CCNB1IP1: variants seen among roughly 807,000 people sequenced by gnomAD.
The protein encoded by CCNB1IP1 is cyclin B1 interacting protein 1.
CCNB1IP1 carries 14 observed loss-of-function variants against 25.6 expected under a neutral mutation model. The observed-to-expected ratio is 0.55, with a 90% CI of 0.36 to 0.85. CCNB1IP1 has a LOEUF of 0.85. Ranked by LOEUF, CCNB1IP1 falls within the 40% of genes least tolerant of loss-of-function variation. The pLI is 0.01. For synonymous variants in CCNB1IP1, 119 were observed against 116.1 expected (o/e 1.02, Z -0.16); for missense variants, 278 against 342.4 (o/e 0.81, Z 1.48).
chr14:20,327,497 C>T (rs1278269263), intron 2 of CCNB1IP1, among the ~76,000 whole-genome samples: 5 of 150,576 alleles, frequency 3.3e-5, no homozygotes, highest in Non-Finnish European at 5.9e-5. Context: ...GCTTTAATTT[C>T]CTCTTCCAGC....
chr14:20,327,240 T>G (rs1435553993), intron 2 of CCNB1IP1, among the ~76,000 whole-genome samples: 1 of 152,080 alleles, frequency 6.6e-6, no homozygotes, highest in African/African-American at 2.4e-5. Flanking sequence ...AAGAAAACAG[T>G]TATGCAAGAG....
chr14:20,328,704 G>A (rs1594284717), intron 2 of CCNB1IP1, among the ~76,000 whole-genome samples: 1 of 152,248 alleles, frequency 6.6e-6, no homozygotes, highest in African/African-American at 2.4e-5. Context: ...CAGATTGCAA[G>A]AGGCCTGGTC....
At position 20,311,512 on chromosome 14, in the gene CCNB1IP1, A is replaced by G. The variant is rs1280453537; in HGVS notation, c.*38T>C. The G allele has an allele frequency of 6.4e-7, 1 of 1,567,602 alleles. No individual in the cohort carries two copies. The highest frequency in any genetic ancestry group is 8.8e-7 in the Non-Finnish European group (1 of 1,139,762). On this transcript the variant is annotated 3_prime_UTR_variant, in exon 7 of 7. Transcript: ENST00000358932. ...TGATCCTCCCAGCCTCAACCTCCTA[A>G]GTAGCTGGGATCACAGGTGCGTGAC...
rs780719298 is a variant in CCNB1IP1 at position 20,316,548 on chromosome 14, G to C, written c.-25C>G. 1 of 1,582,564 alleles carries C rather than the reference G, an allele frequency of 6.3e-7. No homozygotes were observed. Among genetic ancestry groups the C allele is most frequent in the African/African-American group, 1.3e-5 (1 of 74,528 alleles). ...TAATAGGATAGTGAGGTCTCCAGAA[G>C]CTGAAGAGAGGCCTAAGAAGGGGTA... On this transcript the variant is annotated 5_prime_UTR_variant, in exon 5 of 7. Transcript: ENST00000358932.
At chr14:20,330,242 A>T (rs1883194910) in intron 1 of CCNB1IP1, among the ~76,000 whole-genome samples, 1 of 152,116 alleles carries the variant, frequency 6.6e-6, no homozygotes, top group African/African-American at 2.4e-5. Context: ...GTGGGAGCTA[A>T]ATCTTGCGTT....
intron 2 of CCNB1IP1, among the ~76,000 whole-genome samples, chr14:20,327,530 C>G (rs1396941167): frequency 1.3e-5 from 2 of 149,636 alleles, no homozygotes; most frequent in Non-Finnish European, 3.0e-5. Context: ...TCTGAACTTT[C>G]AGGTCAAATA....
intron 1 of CCNB1IP1, among the ~76,000 whole-genome samples, chr14:20,332,026 A>ATATTTTTTTTT (rs59034398): frequency 7.4e-5 from 3 of 40,744 alleles, no homozygotes; most frequent in African/African-American, 1.7e-4. Context: ...ATATATATAT[A>ATATTTTTTTTT]TTTTTTTTTT....
At chr14:20,330,975 T>C (rs934200755) in intron 1 of CCNB1IP1, 2 of 152,182 alleles carry the variant, frequency 1.3e-5, no homozygotes, top group Non-Finnish European at 2.9e-5. Context: ...TGAAGTCTTA[T>C]TAACAAAAGC....
chr14:20,318,813 A>G (rs1468923348), intron 4 of CCNB1IP1, among the ~76,000 whole-genome samples: 1 of 152,126 alleles, frequency 6.6e-6, no homozygotes, highest in East Asian at 1.9e-4. Context: ...CCCAGGCTGG[A>G]GTGCTGTGAC....
At chr14:20,320,447 T>C in intron 4 of CCNB1IP1, 2 of 374,952 alleles carry the variant, frequency 5.3e-6, no homozygotes, top group East Asian at 1.7e-4. Flanking sequence ...ATTAGAAATG[T>C]ATTTCATTTG....
At position 20,313,534 on chromosome 14, in the gene CCNB1IP1, C is replaced by T; in HGVS notation, c.565G>A (p.Ala189Thr). Reference protein sequence around the residue: ...DSLRLRNITIANHEGTLEPSM... With the variant: ...DSLRLRNITITNHEGTLEPSM... ...GGTTCAAGGGTGCCTTCATGGTTAG[C>T]AATAGTGATGTTTCGTAGCCTAAGG... is the stretch of plus-strand genomic sequence containing the variant. Residue 189 changes from alanine to threonine, a missense_variant, in exon 6 of 7, where the codon GCT becomes ACT. Ala to Thr is a moderately conservative substitution (Grantham distance 58). Coordinates refer to ENST00000358932, the MANE Select transcript of CCNB1IP1 (RefSeq NM_021178.5). The T allele has an allele frequency of 6.2e-7, 1 of 1,614,084 alleles. No homozygotes were observed. The highest frequency in any genetic ancestry group is 8.5e-7 in the Non-Finnish European group (1 of 1,179,992).
rs531404431 is a variant in CCNB1IP1, at chr14:20,324,289, C to T, written c.-38+1250G>A. 3.9e-5 allele frequency among the ~76,000 whole-genome samples: 6 copies of T among 152,282 alleles called. No individual in the cohort carries two copies. In the East Asian group the frequency reaches 5.8e-4, roughly 15 times the overall value. ...ACAACCTCTGCCTCCCAGATTCAAGCGATTCTCCTGCCTCAGCCTCCCAAG... is the reference window on the plus strand; with the variant it reads ...ACAACCTCTGCCTCCCAGATTCAAGTGATTCTCCTGCCTCAGCCTCCCAAG... On this transcript the variant is annotated intron_variant, in intron 4 of 6. Transcript: ENST00000358932.
chr14:20,315,604 C>G, intron 5 of CCNB1IP1: 2 of 1,286,764 alleles, frequency 1.6e-6, no homozygotes, highest in South Asian at 1.2e-5. Flanking sequence ...ACAGGGAGGT[C>G]TTTCAAAGGA....
chr14:20,323,989 A>G (rs577969148), intron 4 of CCNB1IP1, among the ~76,000 whole-genome samples: 3 of 152,126 alleles, frequency 2.0e-5, no homozygotes, highest in Non-Finnish European at 4.4e-5. Context: ...AGCAAGGGAA[A>G]ATGAGGAACT....
At position 20,316,418 on chromosome 14, in the gene CCNB1IP1, G is replaced by A. The variant is rs747614797; in HGVS notation, c.106C>T (p.His36Tyr). 1 of 1,614,032 alleles carries A rather than the reference G, an allele frequency of 6.2e-7. No homozygotes were observed. The highest frequency in any genetic ancestry group is 1.1e-5 in the South Asian group (1 of 91,078). Residue 36 changes from histidine (H) to tyrosine (Y), a missense_variant, in exon 5 of 7, where the codon CAT becomes TAT. Transcript: ENST00000358932. ...TACSHIFCDQ[H>Y]GSGEFSRSPA... ...GAGCGACTAAACTCACCACTGCCATGCTGATCACAGAAGATGTGAGAGCAG... is the reference window on the plus strand; with the variant it reads ...GAGCGACTAAACTCACCACTGCCATACTGATCACAGAAGATGTGAGAGCAG...
intron 5 of CCNB1IP1, 73 bp from the exon 6 acceptor site, chr14:20,313,874 C>T: frequency 8.6e-7 from 1 of 1,167,606 alleles, no homozygotes; most frequent in Non-Finnish European, 1.2e-6. Flanking sequence ...TATACAAACA[C>T]AAAAGGAAAA....
chr14:20,316,260 A>G lies in CCNB1IP1; in HGVS notation c.264T>C (p.Ile88=), dbSNP rs1882690990. The G allele has an allele frequency of 6.2e-7, 1 of 1,613,844 alleles. No homozygotes were observed. Among genetic ancestry groups the G allele is most frequent in the South Asian group, 1.1e-5 (1 of 91,086 alleles). The change falls in exon 5 of 7, where the codon ATT becomes ATC. Residue 88 remains isoleucine, a synonymous_variant. Transcript: ENST00000358932. The stretch of plus-strand genomic sequence containing the variant: ...TCCAGAAGGCCAGCGCTCGGGAGCT[A>G]ATGTCCAACACGATCTCTGGTCGCA... The part of the protein sequence containing the change: ...AGLRPEIVLD[I]SSRALAFWTY...
chr14:20,313,669 T>C lies in CCNB1IP1; in HGVS notation c.430A>G (p.Thr144Ala). Residue 144 changes from threonine (T) to alanine (A), a missense_variant, in exon 6 of 7, where the codon ACC becomes GCC. By Grantham distance (58) the Thr-to-Ala change is moderately conservative. Transcript: ENST00000358932. The part of the protein sequence containing the change: ...VELTSMKGEV[T>A]SMKKVLEEYK... ...TCTTCTAGTACTTTCTTCATGGAGG[T>C]AACCTCCCCTTTCATAGAGGTCAAT... is the stretch of plus-strand genomic sequence containing the variant. 6.2e-7 allele frequency: 1 copy of C among 1,614,190 alleles called. No individual in the cohort carries two copies. The highest frequency in any genetic ancestry group is 8.5e-7 in the Non-Finnish European group (1 of 1,180,026).
At chr14:20,323,810 C>G (rs1472551992) in intron 4 of CCNB1IP1, among the ~76,000 whole-genome samples, 8 of 149,442 alleles carry the variant, frequency 5.4e-5, no homozygotes. Flanking sequence ...CCCAGCTACT[C>G]AGGAGGCTGA....
Sources: allele counts gnomAD v4.1 joint callset (sites outside exome capture counted in the v4.1 genomes callset), GRCh38; gene constraint gnomAD v4.1.1; transcripts MANE v1.5; gene names NCBI Gene and HGNC (gene_info 2026-07-23, HGNC 2026-07-21).